Variants in TCF4 observed in about 807,000 individuals in gnomAD.
The protein encoded by TCF4 is transcription factor 4.
TCF4 carries 3 observed loss-of-function variants against 82.1 expected under a neutral mutation model. That is an observed-to-expected ratio of 0.04 (90% CI 0.02 to 0.09). TCF4 has a LOEUF of 0.09. Ranked by LOEUF, TCF4 falls within the 10% of genes least tolerant of loss-of-function variation. TCF4 has a pLI of 1.00. For synonymous variants in TCF4, 276 were observed against 309.6 expected (o/e 0.89, Z 1.14); for missense variants, 518 against 852.7 (o/e 0.61, Z 4.89).
chr18:55,616,683 C>T (rs1232953137), intron 2 of TCF4, among the ~76,000 whole-genome samples: 1 of 151,990 alleles, frequency 6.6e-6, no homozygotes, highest in Non-Finnish European at 1.5e-5. Context: ...ATCTCATTTG[C>T]ATTCTCTTGA....
intron 3 of TCF4, among the ~76,000 whole-genome samples, chr18:55,466,514 A>T (rs549533025): frequency 3.5e-4 from 53 of 152,218 alleles, no homozygotes; most frequent in African/African-American, 9.6e-4. Flanking sequence ...ATATATATAT[A>T]TTTTTGGTGT....
At chr18:55,528,511 T>C (rs1050740097) in intron 3 of TCF4, among the ~76,000 whole-genome samples, 1 of 152,240 alleles carries the variant, frequency 6.6e-6, no homozygotes, top group Non-Finnish European at 1.5e-5. Flanking sequence ...TAGTGATTTC[T>C]AAAATCTTCT....
chr18:55,272,485 C>T (rs2060590694), intron 10 of TCF4, among the ~76,000 whole-genome samples: 1 of 151,992 alleles, frequency 6.6e-6, no homozygotes, highest in African/African-American at 2.4e-5. Context: ...GCCCACTATT[C>T]GTTCATTTTA....
chr18:55,621,850 A>G (rs1299990636), intron 2 of TCF4, among the ~76,000 whole-genome samples: 3 of 26,762 alleles, frequency 1.1e-4, no homozygotes, highest in African/African-American at 1.8e-4. Flanking sequence ...TATACAATGT[A>G]TGTATTATAT....
intron 15 of TCF4, among the ~76,000 whole-genome samples, chr18:55,253,415 G>A (rs2055856712): frequency 1.3e-5 from 2 of 152,136 alleles, no homozygotes; most frequent in Non-Finnish European, 2.9e-5. Flanking sequence ...TAGAGACGAG[G>A]TAGAGCTTGT....
intron 5 of TCF4, among the ~76,000 whole-genome samples, chr18:55,457,785 C>T (rs1188531151): frequency 1.3e-5 from 2 of 152,166 alleles, no homozygotes; most frequent in Non-Finnish European, 2.9e-5. Context: ...TTTGGAATTT[C>T]AGTGCCAAAT....
chr18:55,365,209 GTA>G (rs1167939578), intron 6 of TCF4, among the ~76,000 whole-genome samples: 33 of 126,780 alleles, frequency 2.6e-4, no homozygotes, highest in African/African-American at 5.4e-4. Context: ...GTGTGTGTGT[GTA>G]TATATATGTG....
chr18:55,575,101 C>T (rs192590012), intron 3 of TCF4, among the ~76,000 whole-genome samples: 1 of 152,098 alleles, frequency 6.6e-6, no homozygotes, highest in East Asian at 1.9e-4. Flanking sequence ...ATATACACCC[C>T]ATATAAAAGA....
intron 3 of TCF4, among the ~76,000 whole-genome samples, chr18:55,510,035 G>A (rs912673898): frequency 6.6e-6 from 1 of 152,058 alleles, no homozygotes; most frequent in African/African-American, 2.4e-5. Flanking sequence ...TTTAACACTG[G>A]TCTTCCATTT....
At chr18:55,477,723 G>T (rs1281712949) in intron 3 of TCF4, among the ~76,000 whole-genome samples, 2 of 152,090 alleles carry the variant, frequency 1.3e-5, no homozygotes, top group East Asian at 1.9e-4. Flanking sequence ...TCACTTTCAG[G>T]TTCTATAAAA....
chr18:55,248,773 GTCTC>G (rs1342642419), intron 15 of TCF4, among the ~76,000 whole-genome samples: 1 of 152,098 alleles, frequency 6.6e-6, no homozygotes. Context: ...GTGTGGCAGG[GTCTC>G]TCTGTCACCC....
intron 5 of TCF4, among the ~76,000 whole-genome samples, chr18:55,429,779 A>AAC (rs1556332857): frequency 2.0e-5 from 3 of 150,542 alleles, no homozygotes; most frequent in Non-Finnish European, 4.4e-5. Context: ...AAAAAAAAAA[A>AAC]AAAAAAAAAA....
chr18:55,302,321 G>T, intron 8 of TCF4: 2 of 1,135,030 alleles, frequency 1.8e-6, no homozygotes, highest in Non-Finnish European at 2.5e-6. Flanking sequence ...CAAAGCAAAT[G>T]GGTAACATAC....
At chr18:55,320,841 A>G (rs1052996843) in intron 8 of TCF4, 2 of 152,618 alleles carry the variant, frequency 1.3e-5, no homozygotes, top group African/African-American at 4.8e-5. Flanking sequence ...CGATTTGAAA[A>G]TATTGAAATC....
intron 3 of TCF4, among the ~76,000 whole-genome samples, chr18:55,505,278 C>A (rs1357826202): frequency 1.3e-5 from 2 of 152,170 alleles, no homozygotes; most frequent in East Asian, 1.9e-4. Context: ...ATAGAGCCAC[C>A]TTTTTATTGT....
chr18:55,399,165 C>T (rs1276397212), intron 6 of TCF4, among the ~76,000 whole-genome samples: 1 of 152,152 alleles, frequency 6.6e-6, no homozygotes, highest in African/African-American at 2.4e-5. Context: ...AGAATTAAGT[C>T]ATTTGTAATA....
intron 3 of TCF4, among the ~76,000 whole-genome samples, chr18:55,515,460 T>A (rs75170353): frequency 0.1 from 15,953 of 152,256 alleles, 1,220 homozygotes; most frequent in East Asian, 0.43. Context: ...CAGCTGTGAT[T>A]GCTGGCATAT....
chr18:55,480,343 T>C (rs182315235), intron 3 of TCF4, among the ~76,000 whole-genome samples: 16 of 148,058 alleles, frequency 1.1e-4, no homozygotes, highest in Admixed American at 5.4e-4. Flanking sequence ...CTTACTGTTA[T>C]GGTCATAGCA....
chr18:55,285,888 T>TG (rs1485786701), intron 8 of TCF4, among the ~76,000 whole-genome samples: 4 of 152,360 alleles, frequency 2.6e-5, no homozygotes, highest in Non-Finnish European at 4.4e-5. Context: ...CAATAAATGT[T>TG]GATTGTAATG....
Sources: allele counts gnomAD v4.1 joint callset (sites outside exome capture counted in the v4.1 genomes callset), GRCh38; gene constraint gnomAD v4.1.1; transcripts MANE v1.5; gene names NCBI Gene and HGNC (gene_info 2026-07-23, HGNC 2026-07-21).